NRXN3: variants seen among roughly 807,000 people sequenced by gnomAD.
NRXN3 encodes neurexin 3, also known as neurexin III.
Under a neutral mutation model 137.6 loss-of-function variants are expected in NRXN3, and 32 were observed. The observed-to-expected ratio is 0.23, with a 90% CI of 0.18 to 0.31. The LOEUF is 0.31. NRXN3 is among the 10% of genes least tolerant of loss of function. NRXN3 has a pLI of 1.00. For synonymous variants in NRXN3, 798 were observed against 784.5 expected (o/e 1.02, Z -0.29); for missense variants, 1,574 against 2,062.5 (o/e 0.76, Z 4.59).
chr14:79,773,830 CAA>C (rs548801820), intron 19 of NRXN3, among the ~76,000 whole-genome samples: 9 of 126,750 alleles, frequency 7.1e-5, no homozygotes, highest in African/African-American at 8.7e-5. Flanking sequence ...AATAAAAATA[CAA>C]AAAAAAAAAA....
rs866766319 is a variant in NRXN3 at position 79,363,527 on chromosome 14, A to G, written c.3263-103694A>G. Among the ~76,000 whole-genome samples the G allele has an allele frequency of 1.1e-4, 17 of 152,204 alleles. No homozygotes were observed. In the Middle Eastern group the frequency reaches 0.01, roughly 92 times the overall value. Reference sequence around the variant, plus strand: ...ACGTAGGAACAGTTCCAGGCAGCTAAAAGAGCTTCTTCCTCACTTGCCACT... The same window carrying G: ...ACGTAGGAACAGTTCCAGGCAGCTAGAAGAGCTTCTTCCTCACTTGCCACT... On this transcript the variant is annotated intron_variant, in intron 15 of 20. Coordinates refer to ENST00000335750, the MANE Select transcript of NRXN3 (RefSeq NM_001330195.2).
At chr14:78,936,114 A>G (rs1354227279) in intron 10 of NRXN3, among the ~76,000 whole-genome samples, 1 of 152,148 alleles carries the variant, frequency 6.6e-6, no homozygotes, top group Admixed American at 6.5e-5. Context: ...CATGCAGTCC[A>G]TCTATCTTTC....
At chr14:78,672,080 A>G (rs1003558322) in intron 6 of NRXN3, among the ~76,000 whole-genome samples, 4 of 152,198 alleles carry the variant, frequency 2.6e-5, no homozygotes, top group African/African-American at 9.7e-5. Flanking sequence ...AATATACAGA[A>G]CTTGAAAGAT....
chr14:79,762,947 C>A (rs1486936256), intron 19 of NRXN3, among the ~76,000 whole-genome samples: 1 of 151,480 alleles, frequency 6.6e-6, no homozygotes, highest in South Asian at 2.1e-4. Context: ...TATACACGTG[C>A]CATGGTAGTT....
intron 8 of NRXN3, among the ~76,000 whole-genome samples, chr14:78,716,816 A>G (rs1368624966): frequency 6.6e-6 from 1 of 152,266 alleles, no homozygotes; most frequent in Non-Finnish European, 1.5e-5. Context: ...GGAAGAAAAG[A>G]GAGCTTTCTT....
intron 16 of NRXN3, among the ~76,000 whole-genome samples, chr14:79,573,259 TA>T (rs1381877178): frequency 6.6e-6 from 1 of 152,124 alleles, no homozygotes; most frequent in Non-Finnish European, 1.5e-5. Flanking sequence ...TTCAAGTACC[TA>T]AACCAAATCG....
intron 4 of NRXN3, among the ~76,000 whole-genome samples, chr14:78,431,087 C>T (rs912755252): frequency 1.3e-5 from 2 of 152,058 alleles, no homozygotes; most frequent in Non-Finnish European, 2.9e-5. Context: ...GTGAAATCCA[C>T]CTTAAGTACT....
At position 79,530,593 on chromosome 14, in the gene NRXN3, GT is replaced by G. The variant is rs199958147; in HGVS notation, c.3444+63203del. On this transcript the variant is annotated intron_variant, in intron 16 of 20. Transcript: ENST00000335750. ...GGATTTGAAGAAAAAGAGGTTTTTTGTTTTTTTTTTTTCCTTTTTCTTTTGT... is the reference window on the plus strand; with the variant it reads ...GGATTTGAAGAAAAAGAGGTTTTTTGTTTTTTTTTTTCCTTTTTCTTTTGT... Among the ~76,000 whole-genome samples the G allele has an allele frequency of 2.0e-3, 275 of 140,474 alleles. 2 individuals are homozygous for G. The highest frequency in any genetic ancestry group is 9.7e-3 in the South Asian group (43 of 4,416). The allele number at this position is 140,474 out of a possible 152,430, so 92.2% of individuals were successfully genotyped here.
chr14:78,654,345 T>C (rs1295594761), intron 6 of NRXN3, among the ~76,000 whole-genome samples: 4 of 152,226 alleles, frequency 2.6e-5, no homozygotes, highest in African/African-American at 9.6e-5. Context: ...TCTCTTGCCA[T>C]TTGTGGCTTT....
At chr14:78,649,385 C>CT (rs1246972230) in intron 5 of NRXN3, 1 of 490,238 alleles carries the variant, frequency 2.0e-6, no homozygotes, top group African/African-American at 2.4e-5. Context: ...CCAACCCCCC[C>CT]TTTTATCCTC....
chr14:78,646,434 A>G (rs1488620446), intron 5 of NRXN3, among the ~76,000 whole-genome samples: 2 of 152,192 alleles, frequency 1.3e-5, no homozygotes, highest in East Asian at 1.9e-4. Flanking sequence ...AGAAAACACT[A>G]TACTTTCTGA....
chr14:79,342,210 A>G (rs555467838), intron 15 of NRXN3, among the ~76,000 whole-genome samples: 2 of 152,258 alleles, frequency 1.3e-5, no homozygotes, highest in African/African-American at 2.4e-5. Context: ...TGTTTATTCT[A>G]TGGTGCAGAG....
chr14:79,242,995 A>G (rs2074548502), intron 15 of NRXN3, among the ~76,000 whole-genome samples: 2 of 152,174 alleles, frequency 1.3e-5, no homozygotes. Context: ...GAAGAATATT[A>G]ATTGACATTA....
chr14:78,506,872 A>G (rs1207473935), intron 4 of NRXN3, among the ~76,000 whole-genome samples: 1 of 151,994 alleles, frequency 6.6e-6, no homozygotes, highest in Non-Finnish European at 1.5e-5. Context: ...CTGATAATTA[A>G]CAATGTTGAT....
intron 16 of NRXN3, among the ~76,000 whole-genome samples, chr14:79,595,200 A>G (rs1351275214): frequency 3.9e-5 from 6 of 152,146 alleles, no homozygotes; most frequent in African/African-American, 1.2e-4. Flanking sequence ...GTTCTATGAG[A>G]ATGGTATTGG....
chr14:78,470,026 GT>G (rs951593396), intron 4 of NRXN3, among the ~76,000 whole-genome samples: 2 of 152,124 alleles, frequency 1.3e-5, no homozygotes, highest in East Asian at 1.9e-4. Context: ...GAATATCTGG[GT>G]TTTTTTCCAT....
intron 16 of NRXN3, among the ~76,000 whole-genome samples, chr14:79,624,354 T>C (rs2153906669): frequency 1.3e-5 from 2 of 152,306 alleles, no homozygotes; most frequent in South Asian, 4.1e-4. Flanking sequence ...ATGTTTCCAT[T>C]TGTAGTTTTT....
intron 16 of NRXN3, among the ~76,000 whole-genome samples, chr14:79,627,522 C>T (rs1044205139): frequency 1.3e-5 from 2 of 152,112 alleles, no homozygotes; most frequent in African/African-American, 4.8e-5. Context: ...AAATGATAAC[C>T]TTATTCATTA....
At chr14:78,178,906 G>C (rs929119375) in intron 1 of NRXN3, among the ~76,000 whole-genome samples, 1 of 152,140 alleles carries the variant, frequency 6.6e-6, no homozygotes, top group African/African-American at 2.4e-5. Flanking sequence ...AAATACTCTA[G>C]ACAGAGGTCT....
Sources: gnomAD v4.1 joint callset for allele counts (sites outside exome capture counted in the v4.1 genomes callset) on GRCh38, gnomAD v4.1.1 for gene constraint, MANE v1.5 for transcripts, NCBI Gene and HGNC (gene_info 2026-07-23, HGNC 2026-07-21) for gene names.